The following MTCL2 variants were observed in gnomAD, a reference collection of about 807,000 sequenced individuals.
MTCL2 encodes the protein microtubule crosslinking factor 2, also known as microtubule cross-linking factor 2.
chr20:36,841,154 A>AT, the MTCL2 span, among the ~76,000 whole-genome samples: 1 of 111,176 alleles, frequency 9.0e-6, no homozygotes, highest in Non-Finnish European at 1.8e-5. Context: ...TACTAAAAAT[A>AT]CAAAAAAAAA....
the MTCL2 span, among the ~76,000 whole-genome samples, chr20:36,817,790 T>C: frequency 1.3e-5 from 2 of 152,244 alleles, no homozygotes; most frequent in Non-Finnish European, 2.9e-5. Context: ...TGTTCTCATT[T>C]GTCTTTCATC....
chr20:36,805,830 C>T, the MTCL2 span: 1 of 1,579,960 alleles, frequency 6.3e-7, no homozygotes, highest in South Asian at 1.2e-5. Flanking sequence ...CACAACAGGA[C>T]CGGGAAGGGG....
At chr20:36,859,814 C>T in the MTCL2 span, 7 of 1,231,698 alleles carry the variant, frequency 5.7e-6, no homozygotes, top group African/African-American at 9.3e-5. Flanking sequence ...GAGTCCTTTC[C>T]CTTGTACTCA....
chr20:36,831,947 C>A, the MTCL2 span, among the ~76,000 whole-genome samples: 2 of 152,166 alleles, frequency 1.3e-5, no homozygotes, highest in Non-Finnish European at 2.9e-5. Context: ...CTCACTAACT[C>A]ACTCACTCAC....
the MTCL2 span, among the ~76,000 whole-genome samples, chr20:36,807,061 A>G: frequency 9.2e-5 from 14 of 152,128 alleles, no homozygotes; most frequent in Admixed American, 2.0e-4. Context: ...GTCACAGAAG[A>G]GACAGCTTCG....
At chr20:36,863,022 C>A in the MTCL2 span, 1 of 1,398,710 alleles carries the variant, frequency 7.1e-7, no homozygotes, top group South Asian at 1.4e-5. This position sits in a 1 kb window ranked among gnomAD's most constrained non-coding sequence, Gnocchi z 6.2. Context: ...CGGTGGCGGT[C>A]GCGGCCCCGC....
chr20:36,863,414 A>C, the MTCL2 span: 2 of 1,097,060 alleles, frequency 1.8e-6, no homozygotes, highest in South Asian at 9.0e-5. This position sits in a 1 kb window ranked among gnomAD's most constrained non-coding sequence, Gnocchi z 6.2. Context: ...GTCCCTGGGG[A>C]GGGACCCGGC....
chr20:36,804,649 T>C, the MTCL2 span: 7 of 1,536,450 alleles, frequency 4.6e-6, no homozygotes, highest in South Asian at 1.2e-5. Context: ...TCTAGGAGCA[T>C]GGCCTTGGTA....
At chr20:36,785,099 G>A in the MTCL2 span, 28 of 985,304 alleles carry the variant, frequency 2.8e-5, no homozygotes, top group South Asian at 9.4e-5. Flanking sequence ...TAGACTGACC[G>A]CTGGGGCTGG....
At chr20:36,815,717 G>C in the MTCL2 span, 1 of 1,599,190 alleles carries the variant, frequency 6.3e-7, no homozygotes, top group South Asian at 1.1e-5. This position sits in a 1 kb window ranked among gnomAD's most constrained non-coding sequence, Gnocchi z 5.3. Context: ...GCAGCTTGGC[G>C]GCCGCCAGCT....
the MTCL2 span, among the ~76,000 whole-genome samples, chr20:36,809,648 T>G: frequency 6.7e-6 from 1 of 150,014 alleles, no homozygotes; most frequent in African/African-American, 2.5e-5. Flanking sequence ...TGATCTCGGC[T>G]CACTGTAACC....
the MTCL2 span, among the ~76,000 whole-genome samples, chr20:36,847,578 C>T: frequency 1.3e-5 from 2 of 152,082 alleles, no homozygotes; most frequent in South Asian, 2.1e-4. Flanking sequence ...TGGGGCCAGG[C>T]GCGGTGGCTC....
the MTCL2 span, among the ~76,000 whole-genome samples, chr20:36,818,102 C>T: frequency 1.9e-4 from 29 of 152,356 alleles, no homozygotes; most frequent in Admixed American, 7.8e-4. Flanking sequence ...CCCATGGGAT[C>T]GCCTGAGATC....
the MTCL2 span, chr20:36,812,976 C>T: frequency 9.0e-7 from 1 of 1,108,706 alleles, no homozygotes; most frequent in Non-Finnish European, 1.2e-6. Flanking sequence ...GGCTGGGACC[C>T]TGGTAGATTC....
chr20:36,794,604 G>A, the MTCL2 span: 45 of 1,613,880 alleles, frequency 2.8e-5, no homozygotes, highest in East Asian at 4.0e-4. The surrounding 1 kb of genome is among the most constrained non-coding windows in gnomAD (Gnocchi z 5.4). Flanking sequence ...TTGGTTCTGC[G>A]AAGGACAGAG....
At chr20:36,823,778 A>G in the MTCL2 span, among the ~76,000 whole-genome samples, 1 of 152,210 alleles carries the variant, frequency 6.6e-6, no homozygotes, top group Non-Finnish European at 1.5e-5. Context: ...ACTACACTCT[A>G]GCCTGAGTGA....
chr20:36,833,629 G>C, the MTCL2 span, among the ~76,000 whole-genome samples: 32 of 151,652 alleles, frequency 2.1e-4, no homozygotes, highest in African/African-American at 7.3e-4. Context: ...TAGGAAGACT[G>C]CTTGAGGCCA....
the MTCL2 span, chr20:36,817,365 T>C: frequency 8.3e-4 from 1,275 of 1,527,728 alleles, 7 homozygotes; most frequent in African/African-American, 0.016. Context: ...CAGGCTCAGG[T>C]CTTCAGAATA....
chr20:36,833,422 T>C, the MTCL2 span, among the ~76,000 whole-genome samples: 3 of 152,208 alleles, frequency 2.0e-5, no homozygotes, highest in Admixed American at 2.0e-4. Flanking sequence ...GGTCACTGTT[T>C]ACAGCGCTAG....
Sources: gnomAD v4.1 joint callset for allele counts (sites outside exome capture counted in the v4.1 genomes callset) on GRCh38, gnomAD v4.1.1 for gene constraint, Gnocchi (gnomAD v3.1) non-coding constraint, MANE v1.5 for transcripts, NCBI Gene and HGNC (gene_info 2026-07-23, HGNC 2026-07-21) for gene names.